Variants in TBC1D19 observed in about 807,000 individuals in gnomAD.
The protein encoded by TBC1D19 is TBC1 domain family member 19.
A neutral mutation model predicts 89.0 loss-of-function variants in TBC1D19; 60 were observed. The ratio of observed to expected loss-of-function variants is 0.67; its 90% CI spans 0.55 to 0.84. The LOEUF (loss-of-function observed/expected upper bound fraction) is 0.84. TBC1D19 is among the 40% of genes least tolerant of loss of function. TBC1D19 has a pLI of 0.00. For synonymous variants in TBC1D19, 189 were observed against 199.7 expected, an observed-to-expected ratio of 0.95 and a Z score of 0.45; for missense variants, 500 against 610.8, an observed-to-expected ratio of 0.82 and a Z score of 1.91.
At chr4:26,851,272 T>C in the TBC1D19 span, among the ~76,000 whole-genome samples, 2 of 129,396 alleles carry the variant, frequency 1.5e-5, no homozygotes, top group Admixed American at 7.7e-5. Flanking sequence ...GCAGCCTCCA[T>C]AATGGCATGA....
intron 13 of TBC1D19, among the ~76,000 whole-genome samples, chr4:26,716,411 G>A (rs1210372148): frequency 2.0e-5 from 3 of 152,170 alleles, no homozygotes; most frequent in African/African-American, 4.8e-5. Flanking sequence ...GAGAGGCATC[G>A]TTCAATTAAA....
intron 11 of TBC1D19, among the ~76,000 whole-genome samples, chr4:26,677,179 A>G (rs1456065415): frequency 6.6e-6 from 1 of 152,040 alleles, no homozygotes; most frequent in Non-Finnish European, 1.5e-5. Context: ...TAATTATACT[A>G]CTCAATAATT....
At chr4:26,738,039 A>G (rs1188052979) in intron 16 of TBC1D19, among the ~76,000 whole-genome samples, 2 of 151,904 alleles carry the variant, frequency 1.3e-5, no homozygotes, top group Admixed American at 1.3e-4. Flanking sequence ...AATTAGCTAA[A>G]TTTATTTTTA....
downstream of TBC1D19, among the ~76,000 whole-genome samples, chr4:26,759,154 A>G (rs1485636970): frequency 6.6e-6 from 1 of 152,192 alleles, no homozygotes; most frequent in Admixed American, 6.5e-5. Context: ...CATAAGATGT[A>G]TTATAATCAA....
chr4:26,806,745 A>G, the TBC1D19 span, among the ~76,000 whole-genome samples: 1 of 152,270 alleles, frequency 6.6e-6, no homozygotes, highest in African/African-American at 2.4e-5. Flanking sequence ...CCTAAAACCA[A>G]TGACTGGTGT....
chr4:26,597,684 C>T (rs938905274), intron 1 of TBC1D19, among the ~76,000 whole-genome samples: 11 of 151,658 alleles, frequency 7.3e-5, no homozygotes, highest in Non-Finnish European at 7.4e-5. Context: ...TTTAAATAGT[C>T]TTTTAATTGT....
intron 1 of TBC1D19, among the ~76,000 whole-genome samples, chr4:26,604,941 T>C (rs1740887043): frequency 6.6e-6 from 1 of 150,908 alleles, no homozygotes; most frequent in Non-Finnish European, 1.5e-5. Context: ...TGCAAATATC[T>C]GAGTGTCTGT....
the TBC1D19 span, among the ~76,000 whole-genome samples, chr4:26,801,255 T>G: frequency 6.6e-6 from 1 of 151,952 alleles, no homozygotes; most frequent in Admixed American, 6.5e-5. Flanking sequence ...TACCATTTAT[T>G]AAATAGGAAA....
the TBC1D19 span, among the ~76,000 whole-genome samples, chr4:26,801,262 G>C: frequency 6.6e-6 from 1 of 151,768 alleles, no homozygotes; most frequent in African/African-American, 2.4e-5. Context: ...TATTAAATAG[G>C]AAATCCTTTC....
At chr4:26,698,125 C>A (rs949106502) in intron 13 of TBC1D19, among the ~76,000 whole-genome samples, 2 of 152,136 alleles carry the variant, frequency 1.3e-5, no homozygotes, top group African/African-American at 4.8e-5. Context: ...ATCGTCTCAG[C>A]CCAAAATCTC....
At chr4:26,606,400 G>A (rs1458401304) in intron 1 of TBC1D19, among the ~76,000 whole-genome samples, 3 of 152,138 alleles carry the variant, frequency 2.0e-5, no homozygotes, top group East Asian at 3.9e-4. Context: ...AGACCCAATA[G>A]CTATCTTCAA....
At chr4:26,649,589 C>T (rs368808082) in intron 7 of TBC1D19, among the ~76,000 whole-genome samples, 258 of 152,266 alleles carry the variant, frequency 1.7e-3, no homozygotes, top group African/African-American at 6.0e-3. Context: ...CTGTGCTAGA[C>T]ATTTCATAGA....
chr4:26,704,896 T>C, intron 13 of TBC1D19, among the ~76,000 whole-genome samples: 1 of 152,160 alleles, frequency 6.6e-6, no homozygotes. Context: ...GTGTACAAAG[T>C]TTCCAGTTAC....
the TBC1D19 span, among the ~76,000 whole-genome samples, chr4:26,785,519 A>C: frequency 5.3e-5 from 8 of 152,244 alleles, no homozygotes. Context: ...TGACATAGTT[A>C]TTCCTCTCAA....
chr4:26,622,236 AAGT>A lies in TBC1D19; in HGVS notation c.294+1550_294+1552del, dbSNP rs1213012130. Among the ~76,000 whole-genome samples the A allele has an allele frequency of 1.3e-4, 8 of 60,818 alleles. 1 individual carries two copies. The South Asian group carries it at 4.4e-3, about 34-fold the overall frequency. The allele number at this position is 60,818 out of a possible 152,430, so 39.9% of individuals were successfully genotyped here. On this transcript the variant is annotated intron_variant, in intron 4 of 20. Coordinates refer to ENST00000264866, the MANE Select transcript of TBC1D19 (RefSeq NM_018317.4). ...TTGTACACATGTACCCTAAAACTTA[AAGT>A]ATAATAATAATAATAATAAAGATTT...
At chr4:26,586,175 T>G (rs1739405962) in intron 1 of TBC1D19, among the ~76,000 whole-genome samples, 1 of 150,742 alleles carries the variant, frequency 6.6e-6, no homozygotes, top group Non-Finnish European at 1.5e-5. Context: ...GGTAAGCTTT[T>G]TTTTTTTTTT....
chr4:26,792,933 T>A, the TBC1D19 span, among the ~76,000 whole-genome samples: 1 of 152,204 alleles, frequency 6.6e-6, no homozygotes, highest in African/African-American at 2.4e-5. Context: ...ATGGGCCTAT[T>A]AAGGATGTGG....
intron 4 of TBC1D19, among the ~76,000 whole-genome samples, chr4:26,629,585 C>A (rs961488715): frequency 6.6e-6 from 1 of 151,970 alleles, no homozygotes; most frequent in Non-Finnish European, 1.5e-5. Context: ...CTTAGTAATT[C>A]CACTTCTAGA....
At chr4:26,809,928 G>T in the TBC1D19 span, among the ~76,000 whole-genome samples, 2 of 152,164 alleles carry the variant, frequency 1.3e-5, no homozygotes, top group Admixed American at 6.5e-5. Context: ...TGTGGCAGAC[G>T]CTGAGCCCCA....
Sources: allele counts gnomAD v4.1 joint callset (sites outside exome capture counted in the v4.1 genomes callset), GRCh38; gene constraint gnomAD v4.1.1; transcripts MANE v1.5; gene names NCBI Gene and HGNC (gene_info 2026-07-23, HGNC 2026-07-21).